RAD51B: variants seen among roughly 807,000 people sequenced by gnomAD.
RAD51B encodes DNA repair protein RAD51 homolog 2.
In RAD51B, 38 loss-of-function variants were observed where a neutral mutation model predicts 42.2. The ratio of observed to expected loss-of-function variants is 0.90; its 90% confidence interval spans 0.70 to 1.18. RAD51B has a LOEUF of 1.18. Among genes scored for constraint, RAD51B ranks in the 50% most tolerant of loss-of-function variants. The pLI is 0.00. For synonymous variants in RAD51B, 154 were observed against 145.2 expected, an observed-to-expected ratio of 1.06 and a Z score of -0.43; for missense variants, 373 against 400.7, an observed-to-expected ratio of 0.93 and a Z score of 0.59.
rs1350939843 is a variant in RAD51B, at chr14:67,886,845, TG to T, written c.573-175del. 5 of 424,480 alleles carry T rather than the reference TG, an allele frequency of 1.2e-5. No homozygotes were observed. The East Asian group carries it at 1.8e-4, about 15-fold the overall frequency. The allele number at this position is 424,480 out of a possible 1,614,324, so 26.3% of individuals were successfully genotyped here. On this transcript the variant is annotated intron_variant, in intron 6 of 10. Transcript: ENST00000471583. ...GAAACTACACAGAAACAGTTTGCTCTGTTTCCAGAAAAGTATGATATGTCTA... is the reference window on the plus strand; with the variant it reads ...GAAACTACACAGAAACAGTTTGCTCTTTTCCAGAAAAGTATGATATGTCTA...
At chr14:68,370,399 C>T (rs2083229634) in intron 8 of RAD51B, among the ~76,000 whole-genome samples, 1 of 152,212 alleles carries the variant, frequency 6.6e-6, no homozygotes, top group Admixed American at 6.5e-5. Context: ...ATATTCACAA[C>T]AACCTAGTAA....
At chr14:67,987,961 C>T (rs538406736) in intron 7 of RAD51B, among the ~76,000 whole-genome samples, 1 of 152,148 alleles carries the variant, frequency 6.6e-6, no homozygotes, top group Non-Finnish European at 1.5e-5. Context: ...TTGGTTCTTT[C>T]TTTTTGAATT....
intron 10 of RAD51B, chr14:68,540,615 C>T (rs72729517): frequency 0.088 from 86,729 of 985,120 alleles, 4,027 homozygotes; most frequent in Middle Eastern, 0.21. Flanking sequence ...TGACACCCCC[C>T]AACCCAAAGA....
At chr14:67,858,320 C>T (rs2042061542) in intron 4 of RAD51B, among the ~76,000 whole-genome samples, 1 of 152,068 alleles carries the variant, frequency 6.6e-6, no homozygotes, top group Non-Finnish European at 1.5e-5. Context: ...TTTTATTGAG[C>T]GATGAAAATG....
At chr14:68,053,652 G>A (rs2076429180) in intron 7 of RAD51B, among the ~76,000 whole-genome samples, 1 of 152,176 alleles carries the variant, frequency 6.6e-6, no homozygotes, top group Non-Finnish European at 1.5e-5. Flanking sequence ...ACCATCAGTA[G>A]TCCTTGCATA....
At chr14:68,199,060 C>A (rs2079430967) in intron 7 of RAD51B, among the ~76,000 whole-genome samples, 1 of 152,174 alleles carries the variant, frequency 6.6e-6, no homozygotes, top group Non-Finnish European at 1.5e-5. Flanking sequence ...CCAATGAATT[C>A]TTTTTTCTTG....
At chr14:68,546,631 G>C (rs1888250309) in intron 10 of RAD51B, among the ~76,000 whole-genome samples, 1 of 152,146 alleles carries the variant, frequency 6.6e-6, no homozygotes, top group East Asian at 1.9e-4. Context: ...AGTCACTCAA[G>C]GAGAGCAGAC....
chr14:68,190,198 T>TC (rs397703938), intron 7 of RAD51B, among the ~76,000 whole-genome samples: 1 of 151,574 alleles, frequency 6.6e-6, no homozygotes, highest in Non-Finnish European at 1.5e-5. Context: ...TTTAGTAGTT[T>TC]CCTTGAAAGA....
At chr14:68,494,129 A>T (rs910420803) in intron 10 of RAD51B, among the ~76,000 whole-genome samples, 2 of 151,996 alleles carry the variant, frequency 1.3e-5, no homozygotes, top group Admixed American at 1.3e-4. Flanking sequence ...TACAAAAAAA[A>T]ATTATCTGGG....
chr14:68,279,104 T>C (rs2081275601), intron 7 of RAD51B, among the ~76,000 whole-genome samples: 1 of 152,168 alleles, frequency 6.6e-6, no homozygotes, highest in Non-Finnish European at 1.5e-5. Flanking sequence ...CAACAAGGAG[T>C]TGAGACCACA....
chr14:68,066,301 T>C (rs2076648925), intron 7 of RAD51B, among the ~76,000 whole-genome samples: 1 of 150,612 alleles, frequency 6.6e-6, no homozygotes, highest in South Asian at 2.1e-4. Context: ...TTGAGTGTAA[T>C]GGGGGATTTG....
intron 7 of RAD51B, among the ~76,000 whole-genome samples, chr14:67,894,008 T>C (rs1257702210): frequency 6.6e-6 from 1 of 152,230 alleles, no homozygotes; most frequent in East Asian, 1.9e-4. Flanking sequence ...AGTTAGACGT[T>C]GGTTTGAATC....
chr14:68,586,991 T>C (rs2140070030), intron 10 of RAD51B, among the ~76,000 whole-genome samples: 1 of 151,692 alleles, frequency 6.6e-6, no homozygotes, highest in African/African-American at 2.4e-5. Context: ...ATCGCGCCAT[T>C]GTACTCCAGC....
At chr14:68,238,632 T>A (rs2080318762) in intron 7 of RAD51B, among the ~76,000 whole-genome samples, 1 of 152,206 alleles carries the variant, frequency 6.6e-6, no homozygotes, top group Non-Finnish European at 1.5e-5. Context: ...CAAGAAAAAG[T>A]TATTGATAGG....
chr14:68,407,263 A>G (rs1315946889), intron 8 of RAD51B, among the ~76,000 whole-genome samples: 1 of 152,210 alleles, frequency 6.6e-6, no homozygotes, highest in African/African-American at 2.4e-5. Flanking sequence ...TAGTAACTAC[A>G]TAACTGGTTT....
intron 10 of RAD51B, chr14:68,541,834 C>T (rs1887984629): frequency 1.0e-6 from 1 of 983,914 alleles, no homozygotes; most frequent in South Asian, 4.7e-5. Flanking sequence ...TACAAGGCAG[C>T]CTGTGAGATC....
At chr14:68,117,754 T>C (rs1365914736) in intron 7 of RAD51B, among the ~76,000 whole-genome samples, 1 of 152,190 alleles carries the variant, frequency 6.6e-6, no homozygotes, top group African/African-American at 2.4e-5. Context: ...CATAAGGTAA[T>C]GAGGAGTGAT....
At chr14:68,371,036 CAAAAAAAAAA>C (rs75617123) in intron 8 of RAD51B, among the ~76,000 whole-genome samples, 3 of 26,106 alleles carry the variant, frequency 1.1e-4, no homozygotes, top group African/African-American at 3.9e-4. Flanking sequence ...GACTCTGTCT[CAAAAAAAAAA>C]AAAAAAAAAG....
intron 9 of RAD51B, among the ~76,000 whole-genome samples, chr14:68,432,073 CTTA>C (rs769220683): frequency 6.6e-6 from 1 of 152,200 alleles, no homozygotes; most frequent in Non-Finnish European, 1.5e-5. Context: ...GAGTGAGTTT[CTTA>C]ATCCTGAGTT....
Sources: gnomAD v4.1 joint callset for allele counts (sites outside exome capture counted in the v4.1 genomes callset) on GRCh38, gnomAD v4.1.1 for gene constraint, MANE v1.5 for transcripts, NCBI Gene and HGNC (gene_info 2026-07-23, HGNC 2026-07-21) for gene names.